Variants in FANCC observed in about 807,000 individuals in gnomAD.
FANCC encodes the protein FA complementation group C.
Under a neutral mutation model 71.3 loss-of-function variants are expected in FANCC, and 55 were observed. The ratio of observed to expected loss-of-function variants is 0.77; its 90% CI spans 0.62 to 0.97. The LOEUF is 0.97. Ranked by LOEUF, FANCC falls within the 50% of genes least tolerant of loss-of-function variation. FANCC has a pLI of 0.00. For synonymous variants in FANCC, 275 were observed against 244.9 expected (o/e 1.12, Z -1.15); for missense variants, 678 against 670.9 (o/e 1.01, Z -0.12).
chr9:95,294,591 A>G, intron 1 of FANCC: 1 of 1,543,304 alleles, frequency 6.5e-7, no homozygotes, highest in Non-Finnish European at 9.0e-7. Flanking sequence ...TTAAAGATAT[A>G]CCTGCTCTAG....
Position 95,101,502 on chromosome 9 carries a change from T to C in FANCC, c.*205A>G. On this transcript the variant is annotated 3_prime_UTR_variant, in exon 15 of 15. Transcript: ENST00000289081. Reference sequence around the variant, plus strand: ...GGCTCACTTGAGTCATTAGTGAACATGTCTGACTGAGTCTGGGCTGAGGGA... The same window carrying C: ...GGCTCACTTGAGTCATTAGTGAACACGTCTGACTGAGTCTGGGCTGAGGGA... 6.2e-6 allele frequency: 4 copies of C among 641,728 alleles called. No individual in the cohort carries two copies. Among genetic ancestry groups the C allele is most frequent in the South Asian group, 3.7e-5 (2 of 53,816 alleles). 39.8% of individuals were successfully genotyped at this position (641,728 alleles called of 1,614,324 possible). A position where few individuals can be genotyped will look rare whatever the true frequency, so the allele number is the denominator to read the frequency against.
intron 6 of FANCC, among the ~76,000 whole-genome samples, chr9:95,156,756 G>C (rs1830479059): frequency 1.3e-5 from 2 of 152,246 alleles, no homozygotes; most frequent in Middle Eastern, 3.4e-3. Flanking sequence ...CCGGTTTAAT[G>C]AAATCAGGTA....
intron 13 of FANCC, 168 bp from the exon 14 acceptor site, chr9:95,107,437 A>C: frequency 2.9e-6 from 2 of 696,856 alleles, no homozygotes; most frequent in Non-Finnish European, 5.0e-6. Context: ...CACAAACCCA[A>C]ATGGGCGGAA....
chr9:95,264,221 T>A (rs1399868019), intron 1 of FANCC, among the ~76,000 whole-genome samples: 1 of 152,218 alleles, frequency 6.6e-6, no homozygotes, highest in South Asian at 2.1e-4. Flanking sequence ...CAGGACCTAG[T>A]TTGCTGAGCA....
intron 6 of FANCC, among the ~76,000 whole-genome samples, chr9:95,150,744 A>C (rs640628): frequency 1.8e-4 from 28 of 151,988 alleles, no homozygotes; most frequent in African/African-American, 6.3e-4. Flanking sequence ...GTGGGTCCCC[A>C]TCTGTTTCAC....
At chr9:95,164,685 T>C (rs1830961159) in intron 6 of FANCC, among the ~76,000 whole-genome samples, 2 of 152,296 alleles carry the variant, frequency 1.3e-5, no homozygotes, top group African/African-American at 2.4e-5. Context: ...TTTTAACGTA[T>C]TGTTGAATTC....
chr9:95,213,423 T>TA (rs1828631622), intron 4 of FANCC, among the ~76,000 whole-genome samples: 1 of 151,920 alleles, frequency 6.6e-6, no homozygotes, highest in Non-Finnish European at 1.5e-5. Flanking sequence ...GCTACAGTAA[T>TA]AAAAAACAGT....
At chr9:95,209,957 G>T (rs1828387786) in intron 4 of FANCC, among the ~76,000 whole-genome samples, 1 of 152,118 alleles carries the variant, frequency 6.6e-6, no homozygotes, top group African/African-American at 2.4e-5. Context: ...GAAATATTCA[G>T]AGCTCTACTG....
intron 1 of FANCC, among the ~76,000 whole-genome samples, chr9:95,271,637 C>T (rs1275203991): frequency 6.6e-6 from 1 of 152,170 alleles, no homozygotes; most frequent in Non-Finnish European, 1.5e-5. Flanking sequence ...TTTGCTATAA[C>T]AGCTTCGGGA....
rs371657337 is a variant in FANCC at position 95,216,724 on chromosome 9, T to C, written c.345+23925A>G. Among the ~76,000 whole-genome samples, 186 of 152,312 alleles carry C rather than the reference T, an allele frequency of 1.2e-3. 2 individuals are homozygous for C. The highest frequency in any genetic ancestry group is 4.4e-3 in the African/African-American group (181 of 41,572). On this transcript the variant is annotated intron_variant, in intron 4 of 14. Transcript: ENST00000289081. ...TCCTCAGCTGTGACACAAACCCACATGTGCACAGTATTTATCTAGGACTCT... is the reference window on the plus strand; with the variant it reads ...TCCTCAGCTGTGACACAAACCCACACGTGCACAGTATTTATCTAGGACTCT...
chr9:95,309,006 C>T (rs895921975), intron 1 of FANCC, among the ~76,000 whole-genome samples: 1 of 151,682 alleles, frequency 6.6e-6, no homozygotes, highest in Non-Finnish European at 1.5e-5. Context: ...AGATGCATCT[C>T]GAAAAAAGAA....
intron 1 of FANCC, among the ~76,000 whole-genome samples, chr9:95,316,548 C>T (rs1031928506): frequency 5.9e-5 from 9 of 152,198 alleles, no homozygotes; most frequent in African/African-American, 2.2e-4. Flanking sequence ...TAAGTCAAAT[C>T]ACATCACAGT....
intron 4 of FANCC, among the ~76,000 whole-genome samples, chr9:95,188,605 C>T (rs1826880913): frequency 6.6e-6 from 1 of 152,184 alleles, no homozygotes; most frequent in African/African-American, 2.4e-5. Flanking sequence ...AATTTCAAAT[C>T]TTCCTACTCA....
At chr9:95,184,701 G>C (rs1229335711) in intron 4 of FANCC, among the ~76,000 whole-genome samples, 1 of 152,174 alleles carries the variant, frequency 6.6e-6, no homozygotes, top group East Asian at 1.9e-4. Context: ...AATTCACATG[G>C]AGAAGCAAGG....
chr9:95,233,909 C>T (rs1261445836), intron 4 of FANCC, among the ~76,000 whole-genome samples: 1 of 152,162 alleles, frequency 6.6e-6, no homozygotes, highest in Admixed American at 6.5e-5. Context: ...CCAAGTGGGA[C>T]CCTGAGGGAA....
intron 4 of FANCC, among the ~76,000 whole-genome samples, chr9:95,200,862 A>C (rs887617217): frequency 2.0e-5 from 3 of 152,244 alleles, no homozygotes; most frequent in Admixed American, 2.0e-4. Flanking sequence ...TAAAAGGCGC[A>C]TATTTTAACT....
intron 4 of FANCC, among the ~76,000 whole-genome samples, chr9:95,190,690 C>G (rs7034538): frequency 0.46 from 69,491 of 152,066 alleles, 16,085 homozygotes; most frequent in East Asian, 0.58. Flanking sequence ...GTGGGTGAGA[C>G]CAGAGCAGGT....
intron 7 of FANCC, among the ~76,000 whole-genome samples, chr9:95,135,801 G>A (rs1827587883): frequency 1.3e-5 from 2 of 152,192 alleles, no homozygotes; most frequent in Non-Finnish European, 2.9e-5. Flanking sequence ...ATAAAAAACG[G>A]GATGGAAAAG....
chr9:95,213,712 A>G (rs919151988), intron 4 of FANCC, among the ~76,000 whole-genome samples: 2 of 152,226 alleles, frequency 1.3e-5, no homozygotes, highest in Admixed American at 6.5e-5. Context: ...TTCTTAGAAG[A>G]AAAGATAGGG....
Sources: allele counts gnomAD v4.1 joint callset (sites outside exome capture counted in the v4.1 genomes callset), GRCh38; gene constraint gnomAD v4.1.1; transcripts MANE v1.5; gene names NCBI Gene and HGNC (gene_info 2026-07-23, HGNC 2026-07-21).